PDCD4: variants seen among roughly 807,000 people sequenced by gnomAD.
PDCD4 encodes the protein programmed cell death protein 4.
Under a neutral mutation model 54.0 loss-of-function variants are expected in PDCD4, and 56 were observed. That is an observed-to-expected ratio of 1.04 (90% CI 0.84 to 1.30). PDCD4 has a LOEUF of 1.30. PDCD4 is among the 50% of genes most tolerant of loss of function. The pLI, the probability that PDCD4 is intolerant of heterozygous loss-of-function variation, is 0.00. For missense variants in PDCD4, 584 were observed against 559.8 expected (o/e 1.04, Z -0.44); for synonymous variants, 186 against 194.8 (o/e 0.95, Z 0.37).
In PDCD4 at chr10:110,899,351, C is replaced by T. The variant is rs572244618; in HGVS notation, c.*1263C>T. ...TATTTACCTCATGGGCTTTATCAAG[C>T]CCATATTACCTCAGCTTATATATAG... On this transcript the variant is annotated 3_prime_UTR_variant, in exon 12 of 12. Transcript: ENST00000280154. 2.0e-5 allele frequency: 3 copies of T among 152,126 alleles called. No individual in the cohort carries two copies. The highest frequency in any genetic ancestry group is 7.2e-5 in the African/African-American group (3 of 41,428). The allele number at this position is 152,126 out of a possible 1,614,324, so 9.4% of individuals were successfully genotyped here. A position where few individuals can be genotyped will look rare whatever the true frequency, so the allele number is the denominator to read the frequency against.
intron 7 of PDCD4, among the ~76,000 whole-genome samples, chr10:110,890,190 T>C (rs1015870650): frequency 3.3e-5 from 5 of 152,232 alleles, no homozygotes; most frequent in African/African-American, 1.2e-4. Flanking sequence ...TTTCCTCAGG[T>C]CTATATATTA....
rs1240317987 is a variant in PDCD4 at position 110,887,813 on chromosome 10, A to T, written c.704A>T (p.Asp235Val). The change falls in exon 6 of 12, where the codon GAT (aspartate) becomes GTT (valine). Residue 235 changes from aspartate (D) to valine (V), a missense_variant. By Grantham distance (152) the Asp-to-Val change is radical. Coordinates refer to ENST00000280154, the MANE Select transcript of PDCD4 (RefSeq NM_014456.5). Reference sequence around the variant, plus strand: ...TGTGGGACAGTAATGAGCACAACTGATGTGGAAAAATCATTTGATAAATTG... The same window carrying T: ...TGTGGGACAGTAATGAGCACAACTGTTGTGGAAAAATCATTTGATAAATTG... ...DLCGTVMSTTDVEKSFDKLLK... is the reference protein window; with the variant it reads ...DLCGTVMSTTVVEKSFDKLLK... 1.2e-6 allele frequency: 2 copies of T among 1,613,702 alleles called. No individual in the cohort carries two copies. The highest frequency in any genetic ancestry group is 1.7e-6 in the Non-Finnish European group (2 of 1,179,784).
chr10:110,887,051 C>G (rs1845679151), intron 5 of PDCD4, among the ~76,000 whole-genome samples: 3 of 152,122 alleles, frequency 2.0e-5, no homozygotes, highest in African/African-American at 7.2e-5. Flanking sequence ...GGTTAGTTAA[C>G]TCCTAATACC....
chr10:110,881,568 TAAAC>T (rs774517428), intron 3 of PDCD4, 33 bp downstream of exon 3: 7 of 1,554,652 alleles, frequency 4.5e-6, no homozygotes, highest in Non-Finnish European at 6.1e-6. Context: ...AAATGGAAGA[TAAAC>T]AAGTGGAAAA....
In PDCD4 at chr10:110,871,999, C is replaced by G. The variant is rs1051038056; in HGVS notation, c.-82C>G. ...CCGGCTGACCAGGAACCTGGGCGAG[C>G]AGCGGCGGGGGCCCGAGGGGTCAGT... On this transcript the variant is annotated 5_prime_UTR_variant, in exon 1 of 12. Transcript: ENST00000280154. 2 of 152,852 alleles carry G rather than the reference C, an allele frequency of 1.3e-5. No individual in the cohort carries two copies. Among genetic ancestry groups the G allele is most frequent in the Non-Finnish European group, 2.9e-5 (2 of 68,358 alleles). 9.5% of individuals were successfully genotyped at this position (152,852 alleles called of 1,614,324 possible). A position where few individuals can be genotyped will look rare whatever the true frequency, so the allele number is the denominator to read the frequency against.
intron 5 of PDCD4, 78 bp from the exon 6 acceptor site, chr10:110,887,586 AT>A: frequency 1.0e-6 from 1 of 983,722 alleles, no homozygotes; most frequent in Non-Finnish European, 1.5e-6. Flanking sequence ...TAAAAGCTCA[AT>A]TTTTCAAAAA....
intron 5 of PDCD4, among the ~76,000 whole-genome samples, chr10:110,887,218 A>G: frequency 6.6e-6 from 1 of 152,098 alleles, no homozygotes; most frequent in East Asian, 1.9e-4. Flanking sequence ...ACAGTTGTCT[A>G]CAGTATTCAG....
rs957299247 is a variant in PDCD4, at chr10:110,898,849, A to T, written c.*761A>T. On this transcript the variant is annotated 3_prime_UTR_variant, in exon 12 of 12. Transcript: ENST00000280154. ...ATTTGAACCTAGTCAATTTAATCTTAGTGTTCCCTTGAAAACTTTTTTTCC... is the reference window on the plus strand; with the variant it reads ...ATTTGAACCTAGTCAATTTAATCTTTGTGTTCCCTTGAAAACTTTTTTTCC... 2 of 152,710 alleles carry T rather than the reference A, an allele frequency of 1.3e-5. No homozygotes were observed. The highest frequency in any genetic ancestry group is 2.9e-5 in the Non-Finnish European group (2 of 68,020). The allele number at this position is 152,710 out of a possible 1,614,324, so 9.5% of individuals were successfully genotyped here. A position where few individuals can be genotyped will look rare whatever the true frequency, so the allele number is the denominator to read the frequency against.
At chr10:110,884,994 C>A (rs1249468880) in intron 4 of PDCD4, 3 of 267,528 alleles carry the variant, frequency 1.1e-5, no homozygotes, top group African/African-American at 4.4e-5. Flanking sequence ...CAGGGTCTTG[C>A]TATGTTTCCC....
At position 110,889,588 on chromosome 10, in the gene PDCD4, A is replaced by T. The variant is rs772454958; in HGVS notation, c.833A>T (p.Tyr278Phe). 6.2e-7 allele frequency: 1 copy of T among 1,607,310 alleles called. No individual in the cohort carries two copies. Residue 278 changes from tyrosine to phenylalanine, a missense_variant, in exon 7 of 12, where the codon TAT becomes TTT. Physicochemically the swap from Tyr to Phe is conservative, Grantham distance 22. Transcript: ENST00000280154. Reference protein sequence around the residue: ...AVGDGILCNTYIDSYKGTVDC... With the variant: ...AVGDGILCNTFIDSYKGTVDC... The stretch of plus-strand genomic sequence containing the variant: ...GGAGATGGAATTTTATGTAATACCT[A>T]TATTGATAGTTACAAAGGAACTGTA...
rs75432755 is a variant in PDCD4, at chr10:110,888,998, G to A, written c.778-535G>A. Among the ~76,000 whole-genome samples, 5 of 151,896 alleles carry A rather than the reference G, an allele frequency of 3.3e-5. No individual in the cohort carries two copies. In the East Asian group the frequency reaches 5.8e-4, roughly 18 times the overall value. On this transcript the variant is annotated intron_variant, in intron 6 of 11. Coordinates refer to ENST00000280154, the MANE Select transcript of PDCD4 (RefSeq NM_014456.5). The stretch of plus-strand genomic sequence containing the variant: ...TTTAACCCCAGCACTTTGGGAGGCC[G>A]AGGCAGGCGGATCACGAGGTCAGGA...
At chr10:110,894,716 A>G (rs1215632591) in intron 10 of PDCD4, among the ~76,000 whole-genome samples, 194 bp downstream of exon 10, 2 of 144,646 alleles carry the variant, frequency 1.4e-5, no homozygotes, top group East Asian at 2.0e-4. Context: ...GTAACACTGC[A>G]GTGTTTTTTT....
At chr10:110,884,988 G>T in intron 4 of PDCD4, 1 of 256,126 alleles carries the variant, frequency 3.9e-6, no homozygotes, top group African/African-American at 2.2e-5. Flanking sequence ...TAGAGACAGG[G>T]TCTTGCTATG....
At chr10:110,884,950 T>G (rs558154919) in intron 4 of PDCD4, 12 of 189,314 alleles carry the variant, frequency 6.3e-5, no homozygotes, top group Non-Finnish European at 9.8e-5. Context: ...CAAGCTACCA[T>G]GTCTGGCTAA....
chr10:110,889,253 A>G (rs114699673), intron 6 of PDCD4, among the ~76,000 whole-genome samples: 3,279 of 150,576 alleles, frequency 0.022, 128 homozygotes, highest in African/African-American at 0.077. Flanking sequence ...AAATTTGATC[A>G]TATGCTATGT....
chr10:110,881,132 G>A, intron 2 of PDCD4, 101 bp from the exon 3 acceptor site: 1 of 786,082 alleles, frequency 1.3e-6, no homozygotes, highest in African/African-American at 1.7e-5. Flanking sequence ...TACAAAAATG[G>A]TAATGTCATG....
In PDCD4 at chr10:110,895,945, T is replaced by C. The variant is rs747643910; in HGVS notation, c.1210-3T>C. 1 of 1,584,762 alleles carries C rather than the reference T, an allele frequency of 6.3e-7. No individual in the cohort carries two copies. Among genetic ancestry groups the C allele is most frequent in the Non-Finnish European group, 8.6e-7 (1 of 1,166,172 alleles). On this transcript the variant is annotated splice_polypyrimidine_tract_variant and splice_region_variant and intron_variant, in intron 10 of 11. Coordinates refer to ENST00000280154, the MANE Select transcript of PDCD4 (RefSeq NM_014456.5). The stretch of plus-strand genomic sequence containing the variant: ...AATTCTGCATGTAATTTCATTGTTG[T>C]AGGGTTATGAGAGAATTTACAATGA...
At position 110,897,966 on chromosome 10, in the gene PDCD4, T is replaced by C. The variant is rs538850598; in HGVS notation, c.1350-62T>C. The C allele has an allele frequency of 1.1e-4, 128 of 1,199,784 alleles. 1 individual carries two copies. The African/African-American group carries it at 1.7e-3, about 16-fold the overall frequency. The allele number at this position is 1,199,784 out of a possible 1,614,324, so 74.3% of individuals were successfully genotyped here. On this transcript the variant is annotated intron_variant, in intron 11 of 11. Transcript: ENST00000280154. The stretch of plus-strand genomic sequence containing the variant: ...AAAAATACCAAGTTTTTAATTTTTT[T>C]ATATATTGACTATAGTCAGAATTTG...
rs1438023901 is a variant in PDCD4 at position 110,890,576 on chromosome 10, C to A, written c.896C>A (p.Thr299Asn). Residue 299 changes from threonine to asparagine, a missense_variant, in exon 8 of 12, where the codon ACC becomes AAC. Coordinates refer to ENST00000280154, the MANE Select transcript of PDCD4 (RefSeq NM_014456.5). ...VQARAALDKA[T>N]VLLSMSKGGK... ...TGTAGAGCTGCTCTGGATAAGGCTA[C>A]CGTGCTTCTGAGTATGTCTAAAGGT... 1 of 1,611,882 alleles carries A rather than the reference C, an allele frequency of 6.2e-7. No individual in the cohort carries two copies. Among genetic ancestry groups the A allele is most frequent in the African/African-American group, 1.3e-5 (1 of 74,926 alleles).
Sources: allele counts gnomAD v4.1 joint callset (sites outside exome capture counted in the v4.1 genomes callset), GRCh38; gene constraint gnomAD v4.1.1; transcripts MANE v1.5; gene names NCBI Gene and HGNC (gene_info 2026-07-23, HGNC 2026-07-21).